The following C1orf198 variants were observed in gnomAD, a reference collection of about 807,000 sequenced individuals.
The protein encoded by C1orf198 is uncharacterized protein C1orf198.
C1orf198 carries 17 observed loss-of-function variants against 31.4 expected under a neutral mutation model. The ratio of observed to expected loss-of-function variants is 0.54; its 90% confidence interval spans 0.37 to 0.81. The LOEUF (loss-of-function observed/expected upper bound fraction) is 0.81, where lower values mean the gene tolerates loss of function less well. Among genes scored for constraint, C1orf198 ranks in the 40% least tolerant of loss-of-function variants. The pLI is 0.00. For missense variants in C1orf198, 401 were observed against 450.3 expected, an observed-to-expected ratio of 0.89 and a Z score of 0.99; for synonymous variants, 175 against 193.8, an observed-to-expected ratio of 0.90 and a Z score of 0.81.
intron 2 of C1orf198, among the ~76,000 whole-genome samples, chr1:230,844,804 C>T (rs151307811): frequency 5.3e-5 from 8 of 152,228 alleles, no homozygotes; most frequent in African/African-American, 1.9e-4. Context: ...CCCATCACAG[C>T]CTATGCCCCA....
At chr1:230,855,547 A>G in intron 2 of C1orf198, 121 bp downstream of exon 2, 1 of 1,029,150 alleles carries the variant, frequency 9.7e-7, no homozygotes, top group Non-Finnish European at 1.4e-6. Context: ...CAATGGACAC[A>G]TCCCCTGCAG....
At chr1:230,854,914 C>T (rs374612336) in intron 2 of C1orf198, among the ~76,000 whole-genome samples, 9 of 152,192 alleles carry the variant, frequency 5.9e-5, no homozygotes, top group East Asian at 3.9e-4. Context: ...CCCAGCAGTC[C>T]GAGCCCTATT....
intron 1 of C1orf198, among the ~76,000 whole-genome samples, chr1:230,859,920 T>C (rs1669971996): frequency 6.6e-6 from 1 of 152,036 alleles, no homozygotes; most frequent in Non-Finnish European, 1.5e-5. Context: ...TACTTGTTGA[T>C]AAAAAAAATG....
chr1:230,847,195 C>G (rs1224697180), intron 2 of C1orf198, among the ~76,000 whole-genome samples: 5 of 149,062 alleles, frequency 3.4e-5, no homozygotes, highest in African/African-American at 1.2e-4. Flanking sequence ...AGGAGAATCG[C>G]TTGAACTCAG....
At chr1:230,849,348 G>A (rs111428270) in intron 2 of C1orf198, among the ~76,000 whole-genome samples, 3 of 152,248 alleles carry the variant, frequency 2.0e-5, no homozygotes, top group Non-Finnish European at 2.9e-5. Flanking sequence ...ACTCATGGGC[G>A]CTGGCCACAG....
chr1:230,868,520 C>T lies in C1orf198; in HGVS notation c.-8G>A. The T allele has an allele frequency of 7.6e-7, 1 of 1,319,198 alleles. No individual in the cohort carries two copies. Among genetic ancestry groups the T allele is most frequent in the Non-Finnish European group, 9.7e-7 (1 of 1,027,990 alleles). 81.7% of individuals were successfully genotyped at this position (1,319,198 alleles called of 1,614,324 possible). A position where few individuals can be genotyped will look rare whatever the true frequency, so the allele number is the denominator to read the frequency against. On this transcript the variant is annotated 5_prime_UTR_variant, in exon 1 of 4. Coordinates refer to ENST00000366663, the MANE Select transcript of C1orf198 (RefSeq NM_032800.3). Reference sequence around the variant, plus strand: ...CGCCGCCATGGACGCCATGCCCGGCCTGCCCGCCGCTCCCGGCCCGCGCCC... The same window carrying T: ...CGCCGCCATGGACGCCATGCCCGGCTTGCCCGCCGCTCCCGGCCCGCGCCC...
At chr1:230,865,246 A>G (rs1181576080) in intron 1 of C1orf198, among the ~76,000 whole-genome samples, 1 of 152,032 alleles carries the variant, frequency 6.6e-6, no homozygotes, top group African/African-American at 2.4e-5. Context: ...AATCCAGGAC[A>G]TGGGGCTCCA....
chr1:230,858,296 G>C (rs1380929576), intron 1 of C1orf198, among the ~76,000 whole-genome samples: 1 of 152,202 alleles, frequency 6.6e-6, no homozygotes, highest in Non-Finnish European at 1.5e-5. Flanking sequence ...ATCAAACCAA[G>C]AAGGGCTTTG....
chr1:230,863,382 C>T (rs1222622246), intron 1 of C1orf198, among the ~76,000 whole-genome samples: 1 of 152,210 alleles, frequency 6.6e-6, no homozygotes, highest in Non-Finnish European at 1.5e-5. Context: ...AAATAGGTCT[C>T]ATCTTCCTTC....
At chr1:230,862,321 T>C (rs1340984897) in intron 1 of C1orf198, among the ~76,000 whole-genome samples, 1 of 152,244 alleles carries the variant, frequency 6.6e-6, no homozygotes, top group Non-Finnish European at 1.5e-5. Flanking sequence ...ATTTCTATAT[T>C]TATTCCTCCA....
rs888001734 is a variant in C1orf198, at chr1:230,843,260, C to T, written c.927+94G>A. On this transcript the variant is annotated intron_variant, in intron 3 of 3. Transcript: ENST00000366663. The surrounding 1 kb of genome is among the most constrained non-coding windows in gnomAD (Gnocchi z 4.9). ...GGAAGGAGAAGAAAAAGAGCATGGG[C>T]ACCTGTGGCCTGCCTGCTTTGTGGG... is the stretch of plus-strand genomic sequence containing the variant. 14 of 1,387,154 alleles carry T rather than the reference C, an allele frequency of 1.0e-5. No homozygotes were observed. The Admixed American group carries it at 3.0e-4, about 30-fold the overall frequency. The allele number at this position is 1,387,154 out of a possible 1,614,324, so 85.9% of individuals were successfully genotyped here.
At chr1:230,849,259 G>C (rs1669670775) in intron 2 of C1orf198, among the ~76,000 whole-genome samples, 1 of 152,202 alleles carries the variant, frequency 6.6e-6, no homozygotes, top group Non-Finnish European at 1.5e-5. Flanking sequence ...CTCTCCCACG[G>C]CACTGAGCAA....
chr1:230,859,347 G>C (rs1252190783), intron 1 of C1orf198, among the ~76,000 whole-genome samples: 3 of 152,072 alleles, frequency 2.0e-5, no homozygotes, highest in Admixed American at 6.5e-5. Flanking sequence ...CTGCTTGGAA[G>C]GCTTTCCCAC....
In C1orf198 at chr1:230,868,218, C is replaced by A; in HGVS notation, c.295G>T (p.Gly99Trp). The A allele has an allele frequency of 6.5e-7, 1 of 1,537,514 alleles. No homozygotes were observed. ...EELTRFPGLR[G>W]PTGQKVVRFG... Reference sequence around the variant, plus strand: ...CGCACCACCTTCTGGCCCGTGGGCCCGCGCAAGCCGGGGAAGCGCGTGAGC... The same window carrying A: ...CGCACCACCTTCTGGCCCGTGGGCCAGCGCAAGCCGGGGAAGCGCGTGAGC... The change falls in exon 1 of 4, where the codon GGG becomes TGG. Residue 99 changes from glycine (G) to tryptophan (W), a missense_variant. Gly to Trp is a radical substitution (Grantham distance 184, BLOSUM62 -2). Coordinates refer to ENST00000366663, the MANE Select transcript of C1orf198 (RefSeq NM_032800.3).
chr1:230,866,170 GA>G (rs1670115851), intron 1 of C1orf198, among the ~76,000 whole-genome samples: 1 of 152,292 alleles, frequency 6.6e-6, no homozygotes, highest in South Asian at 2.1e-4. Flanking sequence ...TGAGACAACT[GA>G]CTCCACTTTG....
chr1:230,866,901 A>G (rs1370850541), intron 1 of C1orf198, among the ~76,000 whole-genome samples: 2 of 152,228 alleles, frequency 1.3e-5, no homozygotes, highest in Non-Finnish European at 2.9e-5. Flanking sequence ...TTTGAAGTCC[A>G]GTAGAGAATT....
intron 2 of C1orf198, among the ~76,000 whole-genome samples, chr1:230,854,661 T>C (rs774010903): frequency 1.3e-5 from 2 of 152,220 alleles, no homozygotes; most frequent in African/African-American, 2.4e-5. Context: ...GCTTACTAAA[T>C]ACTGTCTGTG....
chr1:230,844,247 T>C (rs1444321341), intron 2 of C1orf198, among the ~76,000 whole-genome samples: 2 of 152,070 alleles, frequency 1.3e-5, no homozygotes, highest in Non-Finnish European at 2.9e-5. Flanking sequence ...GGTGACTTCA[T>C]GGCTTGGTGC....
chr1:230,857,758 G>A lies in C1orf198; in HGVS notation c.334-2040C>T, dbSNP rs185765355. Among the ~76,000 whole-genome samples, 881 of 152,210 alleles carry A rather than the reference G, an allele frequency of 5.8e-3. 4 individuals are homozygous for A. The highest frequency in any genetic ancestry group is 9.0e-3 in the Non-Finnish European group (610 of 68,018). On this transcript the variant is annotated intron_variant, in intron 1 of 3. Coordinates refer to ENST00000366663, the MANE Select transcript of C1orf198 (RefSeq NM_032800.3). This position sits in a 1 kb window ranked among gnomAD's most constrained non-coding sequence, Gnocchi z 4.2. ...AAAAACACCACTAACAAAGATACTA[G>A]GTATAAATATTAAGAATTACAAAAG... is the stretch of plus-strand genomic sequence containing the variant.
Sources: gnomAD v4.1 joint callset for allele counts (sites outside exome capture counted in the v4.1 genomes callset) on GRCh38, gnomAD v4.1.1 for gene constraint, Gnocchi (gnomAD v3.1) non-coding constraint, MANE v1.5 for transcripts, NCBI Gene and HGNC (gene_info 2026-07-23, HGNC 2026-07-21) for gene names.